The following DPY19L1 variants were observed in gnomAD, a reference collection of about 807,000 sequenced individuals.
DPY19L1 encodes the protein protein C-mannosyl-transferase DPY19L1.
A neutral mutation model predicts 96.9 loss-of-function variants in DPY19L1; 35 were observed. The observed-to-expected ratio is 0.36, with a 90% CI of 0.28 to 0.48. The LOEUF (loss-of-function observed/expected upper bound fraction) is 0.48, where lower values mean the gene tolerates loss of function less well. Ranked by LOEUF, DPY19L1 falls within the 20% of genes least tolerant of loss-of-function variation. The probability of loss-of-function intolerance (pLI) is 0.99; values close to 1 mark genes in which losing one functional copy is unlikely to be tolerated. For synonymous variants in DPY19L1, 205 were observed against 252.6 expected, an observed-to-expected ratio of 0.81 and a Z score of 1.79; for missense variants, 521 against 777.9, an observed-to-expected ratio of 0.67 and a Z score of 3.93.
chr7:35,037,702 C>T (rs1001935641), upstream of DPY19L1: 3 of 496,976 alleles, frequency 6.0e-6, no homozygotes, highest in African/African-American at 4.2e-5. Context: ...CGAGCGGCCG[C>T]GGCCCCGCCC....
At chr7:35,017,082 T>C (rs1449376210) in intron 3 of DPY19L1, among the ~76,000 whole-genome samples, 1 of 151,874 alleles carries the variant, frequency 6.6e-6, no homozygotes, top group Non-Finnish European at 1.5e-5. Context: ...TTGTTAAATG[T>C]TTTCCAGTAT....
intron 8 of DPY19L1, among the ~76,000 whole-genome samples, chr7:34,972,445 G>C (rs560280202): frequency 6.6e-6 from 1 of 152,300 alleles, no homozygotes; most frequent in African/African-American, 2.4e-5. Flanking sequence ...TCAAAGGTTT[G>C]CCTTTGCTGG....
chr7:35,005,767 C>A (rs150304353), intron 6 of DPY19L1, among the ~76,000 whole-genome samples: 1,856 of 151,356 alleles, frequency 0.012, 21 homozygotes, highest in Non-Finnish European at 0.02. Context: ...GCTGAGATCG[C>A]ACCATTGCAC....
At position 34,941,788 on chromosome 7, in the gene DPY19L1, C is replaced by T. The variant is rs757760742; in HGVS notation, c.1666G>A (p.Ala556Thr). Reference protein sequence around the residue: ...LFLTPHMCVMASLICSRQLFG... With the variant: ...LFLTPHMCVMTSLICSRQLFG... ...ACCTGTCTTGAGCAGATCAGTGATG[C>T]CATAACACACATGTGTGGTGTCAAG... The change falls in exon 18 of 22, where the codon GCA becomes ACA. Residue 556 changes from alanine (A) to threonine (T), a missense_variant. Coordinates refer to ENST00000638088, the MANE Select transcript of DPY19L1 (RefSeq NM_001366673.1). 2 of 1,598,810 alleles carry T rather than the reference C, an allele frequency of 1.3e-6. No homozygotes were observed. The highest frequency in any genetic ancestry group is 4.5e-5 in the East Asian group (2 of 44,744).
intron 7 of DPY19L1, among the ~76,000 whole-genome samples, chr7:34,989,594 C>G (rs1785120874): frequency 6.6e-6 from 1 of 151,442 alleles, no homozygotes; most frequent in African/African-American, 2.4e-5. Context: ...GCACTCCAGA[C>G]TGGGCAACAA....
chr7:34,938,807 A>G lies in DPY19L1; in HGVS notation c.1964+469T>C, dbSNP rs186643901. ...TTTTTAAAGTCTCAAAAAAATCTAA[A>G]AAAACATAAAACACCCAAGATCATT... On this transcript the variant is annotated intron_variant, in intron 20 of 21. Transcript: ENST00000638088. 3.6e-3 allele frequency among the ~76,000 whole-genome samples: 543 copies of G among 152,314 alleles called. 4 individuals are homozygous for G. The highest frequency in any genetic ancestry group is 0.011 in the South Asian group (55 of 4,830).
At chr7:35,006,768 T>C (rs1785567187) in intron 6 of DPY19L1, among the ~76,000 whole-genome samples, 1 of 152,176 alleles carries the variant, frequency 6.6e-6, no homozygotes. Context: ...CATTCACCAT[T>C]TGCCTGTTTT....
At chr7:35,007,060 G>A (rs1268267334) in intron 6 of DPY19L1, among the ~76,000 whole-genome samples, 2 of 151,750 alleles carry the variant, frequency 1.3e-5, no homozygotes, top group African/African-American at 4.8e-5. Context: ...AAATTACAAG[G>A]GTGACTAACC....
At chr7:35,019,599 G>A (rs1260747076) in intron 1 of DPY19L1, among the ~76,000 whole-genome samples, 9 of 151,110 alleles carry the variant, frequency 6.0e-5, no homozygotes, top group Admixed American at 6.0e-4. Flanking sequence ...GAAGAGAGGA[G>A]GAAGGAAGAA....
intron 11 of DPY19L1, among the ~76,000 whole-genome samples, chr7:34,956,079 G>A (rs1222072198): frequency 2.0e-5 from 3 of 152,062 alleles, no homozygotes; most frequent in African/African-American, 7.2e-5. Context: ...ACATAAATAT[G>A]CTTAATTCGT....
chr7:35,013,809 G>A, intron 3 of DPY19L1, 104 bp from the exon 4 acceptor site: 1 of 816,786 alleles, frequency 1.2e-6, no homozygotes, highest in South Asian at 2.4e-5. Context: ...TTAAGTAATA[G>A]CTATTAATAC....
At chr7:34,959,418 T>C (rs926040154) in intron 10 of DPY19L1, among the ~76,000 whole-genome samples, 6 of 152,200 alleles carry the variant, frequency 3.9e-5, no homozygotes, top group Admixed American at 6.5e-5. Flanking sequence ...TGCACACATA[T>C]GTTTATTGCA....
intron 17 of DPY19L1, 147 bp downstream of exon 17, chr7:34,942,468 A>G (rs1407675276): frequency 4.4e-6 from 3 of 689,402 alleles, no homozygotes; most frequent in Non-Finnish European, 7.7e-6. Context: ...GAATCTGCAT[A>G]TAGCATTCTC....
At chr7:35,014,293 G>T (rs1390666571) in intron 3 of DPY19L1, among the ~76,000 whole-genome samples, 1 of 152,068 alleles carries the variant, frequency 6.6e-6, no homozygotes, top group African/African-American at 2.4e-5. Context: ...AACCCTGTGC[G>T]ACTGGGGATA....
At chr7:35,013,780 T>G in intron 3 of DPY19L1, 75 bp from the exon 4 acceptor site, 1 of 1,238,794 alleles carries the variant, frequency 8.1e-7, no homozygotes, top group Non-Finnish European at 1.1e-6. Context: ...AAATACACTG[T>G]TTTTGAAAAA....
intron 7 of DPY19L1, among the ~76,000 whole-genome samples, chr7:34,980,403 A>G (rs1421754662): frequency 1.3e-5 from 2 of 152,166 alleles, no homozygotes; most frequent in East Asian, 1.9e-4. Flanking sequence ...AGGACTCAAC[A>G]TAAGAGACTG....
At chr7:34,946,344 T>C (rs891855112) in intron 15 of DPY19L1, among the ~76,000 whole-genome samples, 1 of 152,206 alleles carries the variant, frequency 6.6e-6, no homozygotes. Flanking sequence ...TCAAAAGTCA[T>C]ACCTCCTGGA....
chr7:34,993,224 T>C (rs937546376), intron 6 of DPY19L1, among the ~76,000 whole-genome samples: 3 of 152,198 alleles, frequency 2.0e-5, no homozygotes, highest in African/African-American at 7.2e-5. Flanking sequence ...TTCCACACCT[T>C]AAAACTATAG....
rs1783703952 is a variant in DPY19L1 at position 34,929,420 on chromosome 7, G to A, written c.*2153C>T. ...ACACTGCTACAAAAGGATCCTTCTG[G>A]AAAAAGCTAATTTATATTACTTTTA... On this transcript the variant is annotated 3_prime_UTR_variant, in exon 22 of 22. Transcript: ENST00000638088. The A allele has an allele frequency of 6.6e-6, 1 of 152,118 alleles. No individual in the cohort carries two copies. The highest frequency in any genetic ancestry group is 6.5e-5 in the Admixed American group (1 of 15,272). 9.4% of individuals were successfully genotyped at this position (152,118 alleles called of 1,614,324 possible).
Sources: gnomAD v4.1 joint callset for allele counts (sites outside exome capture counted in the v4.1 genomes callset) on GRCh38, gnomAD v4.1.1 for gene constraint, MANE v1.5 for transcripts, NCBI Gene and HGNC (gene_info 2026-07-23, HGNC 2026-07-21) for gene names.